Variants in MGAT4C observed in about 807,000 individuals in gnomAD.
MGAT4C encodes the protein alpha-1,3-mannosyl-glycoprotein 4-beta-N-acetylglucosaminyltransferase C.
In MGAT4C, 19 loss-of-function variants were observed where a neutral mutation model predicts 40.1. That is an observed-to-expected ratio of 0.47 (90% CI 0.33 to 0.70). MGAT4C has a LOEUF of 0.70. Ranked by LOEUF, MGAT4C falls within the 30% of genes least tolerant of loss-of-function variation. The probability of loss-of-function intolerance (pLI) is 0.02; values close to 1 mark genes in which losing one functional copy is unlikely to be tolerated. For synonymous variants in MGAT4C, 181 were observed against 187.1 expected, an observed-to-expected ratio of 0.97 and a Z score of 0.27; for missense variants, 491 against 563.2, an observed-to-expected ratio of 0.87 and a Z score of 1.30.
chr12:86,582,228 G>T (rs1295609816), intron 2 of MGAT4C, among the ~76,000 whole-genome samples: 1 of 151,422 alleles, frequency 6.6e-6, no homozygotes, highest in Non-Finnish European at 1.5e-5. Context: ...TGTTGCATCT[G>T]CTGATAACAA....
chr12:86,671,453 G>C (rs1162120059), intron 2 of MGAT4C, among the ~76,000 whole-genome samples: 1 of 152,058 alleles, frequency 6.6e-6, no homozygotes, highest in Non-Finnish European at 1.5e-5. Context: ...GGAGAGAGTG[G>C]GGGCCTATTT....
At chr12:86,588,628 C>T (rs1347949365) in intron 2 of MGAT4C, among the ~76,000 whole-genome samples, 1 of 152,020 alleles carries the variant, frequency 6.6e-6, no homozygotes, top group Non-Finnish European at 1.5e-5. Context: ...CACACCTATT[C>T]CAAAACTGAC....
intron 1 of MGAT4C, among the ~76,000 whole-genome samples, chr12:86,166,674 A>G (rs1239718142): frequency 1.3e-5 from 2 of 152,214 alleles, no homozygotes; most frequent in Non-Finnish European, 2.9e-5. Context: ...TCTCAAAAAA[A>G]AAGTCTATTA....
chr12:86,529,268 C>T (rs1049119524), intron 2 of MGAT4C, among the ~76,000 whole-genome samples: 1 of 152,036 alleles, frequency 6.6e-6, no homozygotes, highest in Non-Finnish European at 1.5e-5. Context: ...ATAAAGTATA[C>T]ATTTTGATTA....
At chr12:86,051,818 C>A (rs1412507811) in intron 1 of MGAT4C, among the ~76,000 whole-genome samples, 1 of 150,942 alleles carries the variant, frequency 6.6e-6, no homozygotes, top group African/African-American at 2.4e-5. Context: ...GATTTTGGAT[C>A]CATTTTTGTG....
rs537648565 is a variant in MGAT4C at position 86,353,064 on chromosome 12, TAAAA to T, written c.-119-18941_-119-18938del. Reference sequence around the variant, plus strand: ...ATAAATAAATAAATAAAATAAATTATAAAAAAAAAGAAAGAGATCCAGAATCTAA... The same window carrying T: ...ATAAATAAATAAATAAAATAAATTATAAAAAGAAAGAGATCCAGAATCTAA... On this transcript the variant is annotated intron_variant, in intron 3 of 7. Coordinates refer to the MGAT4C transcript ENST00000548651. Among the ~76,000 whole-genome samples, 556 of 149,136 alleles carry T rather than the reference TAAAA, an allele frequency of 3.7e-3. 1 individual carries two copies. The highest frequency in any genetic ancestry group is 6.1e-3 in the Non-Finnish European group (409 of 67,232).
At chr12:86,594,003 G>C (rs1413913403) in intron 2 of MGAT4C, among the ~76,000 whole-genome samples, 1 of 152,130 alleles carries the variant, frequency 6.6e-6, no homozygotes, top group Non-Finnish European at 1.5e-5. Flanking sequence ...TCCTCGGCTT[G>C]CTTCTCCTAG....
chr12:86,127,226 A>T (rs1257739485), intron 1 of MGAT4C, among the ~76,000 whole-genome samples: 1 of 152,232 alleles, frequency 6.6e-6, no homozygotes. Flanking sequence ...CCTAGGCTAC[A>T]AACCTGTACA....
chr12:86,373,999 T>TA (rs1364950075), intron 3 of MGAT4C, among the ~76,000 whole-genome samples: 3 of 152,104 alleles, frequency 2.0e-5, no homozygotes, highest in Non-Finnish European at 4.4e-5. Context: ...AGCATTGTGT[T>TA]AGGTCCTTAT....
intron 4 of MGAT4C, among the ~76,000 whole-genome samples, chr12:86,319,743 T>C (rs954655333): frequency 2.0e-5 from 3 of 152,176 alleles, no homozygotes; most frequent in Admixed American, 6.5e-5. Context: ...ATGTTTCTTG[T>C]CAAGTTACCT....
At chr12:86,696,106 G>T (rs891718041) in intron 2 of MGAT4C, among the ~76,000 whole-genome samples, 2 of 151,982 alleles carry the variant, frequency 1.3e-5, no homozygotes, top group South Asian at 2.1e-4. Context: ...CAACTACTGG[G>T]GAGGCTAAGG....
chr12:86,073,122 C>T (rs543986374), intron 1 of MGAT4C, among the ~76,000 whole-genome samples: 2 of 152,176 alleles, frequency 1.3e-5, no homozygotes, highest in African/African-American at 4.8e-5. Flanking sequence ...TTTCCTCACA[C>T]TGTTGTTGTG....
chr12:86,114,108 C>T (rs1187345998), intron 1 of MGAT4C, among the ~76,000 whole-genome samples: 1 of 151,928 alleles, frequency 6.6e-6, no homozygotes, highest in Non-Finnish European at 1.5e-5. Flanking sequence ...GTGAGGAACT[C>T]TGCCTAATCA....
At chr12:86,680,025 C>T (rs1173415919) in intron 2 of MGAT4C, among the ~76,000 whole-genome samples, 2 of 151,906 alleles carry the variant, frequency 1.3e-5, no homozygotes, top group East Asian at 3.9e-4. Context: ...TTCCCTCTTG[C>T]TACCTCTTTC....
intron 2 of MGAT4C, among the ~76,000 whole-genome samples, chr12:86,661,187 T>A (rs990199389): frequency 1.3e-5 from 2 of 149,652 alleles, no homozygotes; most frequent in African/African-American, 4.9e-5. Context: ...GAAAAAAATG[T>A]AAAGAAAACA....
At chr12:86,163,245 C>T (rs939848150) in intron 1 of MGAT4C, among the ~76,000 whole-genome samples, 10 of 152,030 alleles carry the variant, frequency 6.6e-5, no homozygotes, top group African/African-American at 2.4e-4. Flanking sequence ...ACTCTGCCAC[C>T]AAGACTGGAG....
chr12:86,043,490 T>A (rs546942170), intron 2 of MGAT4C, among the ~76,000 whole-genome samples: 39 of 152,304 alleles, frequency 2.6e-4, no homozygotes, highest in African/African-American at 8.7e-4. Context: ...TCAGCCAGTC[T>A]AGTCCTTCCA....
intron 1 of MGAT4C, among the ~76,000 whole-genome samples, chr12:86,169,802 A>G (rs1030966472): frequency 2.0e-5 from 3 of 152,202 alleles, no homozygotes; most frequent in Non-Finnish European, 4.4e-5. Flanking sequence ...TTTCACTCTC[A>G]AAAACTACCA....
intron 3 of MGAT4C, among the ~76,000 whole-genome samples, chr12:86,374,706 C>T (rs896163981): frequency 2.6e-5 from 4 of 152,084 alleles, no homozygotes; most frequent in Non-Finnish European, 4.4e-5. Flanking sequence ...ATGCACTTGG[C>T]CTTCAAGAAG....
Sources: gnomAD v4.1 joint callset for allele counts (sites outside exome capture counted in the v4.1 genomes callset) on GRCh38, gnomAD v4.1.1 for gene constraint, MANE v1.5 for transcripts, NCBI Gene and HGNC (gene_info 2026-07-23, HGNC 2026-07-21) for gene names.